Variants in DLGAP2 observed in about 807,000 individuals in gnomAD.
The protein encoded by DLGAP2 is disks large-associated protein 2.
In DLGAP2, 26 loss-of-function variants were observed where a neutral mutation model predicts 100.3. That is an observed-to-expected ratio of 0.26 (90% CI 0.19 to 0.36). The LOEUF is 0.36. Ranked by LOEUF, DLGAP2 falls within the 10% of genes least tolerant of loss-of-function variation. The pLI is 1.00. For synonymous variants in DLGAP2, 886 were observed against 630.1 expected (o/e 1.41, Z -6.08); for missense variants, 1,858 against 1,453.2 (o/e 1.28, Z -4.53).
At chr8:1,672,234 T>TTC (rs1329928377) in intron 10 of DLGAP2, among the ~76,000 whole-genome samples, 1 of 144,428 alleles carries the variant, frequency 6.9e-6, no homozygotes, top group African/African-American at 2.5e-5. Flanking sequence ...TTTAATTTTT[T>TTC]TTTTTTTTTT....
chr8:1,683,312 A>G (rs1799006500), intron 12 of DLGAP2, among the ~76,000 whole-genome samples: 1 of 151,352 alleles, frequency 6.6e-6, no homozygotes, highest in Non-Finnish European at 1.5e-5. Flanking sequence ...TGAAAAGGAG[A>G]TTCAAGAGTC....
chr8:967,262 G>A (rs1471305956), intron 2 of DLGAP2, among the ~76,000 whole-genome samples: 1 of 152,182 alleles, frequency 6.6e-6, no homozygotes, highest in Admixed American at 6.5e-5. Context: ...TTTTCCTAAA[G>A]TTTGTTCTAG....
chr8:1,208,556 G>A (rs1217630139), intron 2 of DLGAP2, among the ~76,000 whole-genome samples: 3 of 152,214 alleles, frequency 2.0e-5, no homozygotes, highest in Admixed American at 1.3e-4. Context: ...CATTTTTCCT[G>A]AGAACTGGAA....
At chr8:1,614,863 AC>A (rs750810193) in intron 6 of DLGAP2, among the ~76,000 whole-genome samples, 1 of 152,150 alleles carries the variant, frequency 6.6e-6, no homozygotes, top group Non-Finnish European at 1.5e-5. Flanking sequence ...GTGCACACGC[AC>A]ACACACACAC....
At chr8:1,126,736 G>T (rs1796174181) in intron 2 of DLGAP2, among the ~76,000 whole-genome samples, 1 of 152,138 alleles carries the variant, frequency 6.6e-6, no homozygotes, top group African/African-American at 2.4e-5. Flanking sequence ...AAGAACATTT[G>T]TTGTCTCTGG....
At chr8:1,289,848 G>A (rs1173204433) in intron 3 of DLGAP2, among the ~76,000 whole-genome samples, 1 of 152,130 alleles carries the variant, frequency 6.6e-6, no homozygotes, top group African/African-American at 2.4e-5. Flanking sequence ...AGCAGTGATG[G>A]GAATTTAGAG....
At chr8:1,391,637 C>G (rs1796358496) in intron 3 of DLGAP2, among the ~76,000 whole-genome samples, 2 of 152,156 alleles carry the variant, frequency 1.3e-5, no homozygotes. Context: ...GGGGACTGCT[C>G]TAGAAGAGGA....
chr8:1,472,766 G>C (rs1334552415), intron 3 of DLGAP2, among the ~76,000 whole-genome samples: 1 of 152,164 alleles, frequency 6.6e-6, no homozygotes, highest in Non-Finnish European at 1.5e-5. Flanking sequence ...GGGGTGACAA[G>C]GATGCACAGT....
Position 1,678,351 on chromosome 8 carries a change from C to T in DLGAP2, c.2426C>T (p.Pro809Leu), listed in dbSNP as rs1172239003. 6.2e-7 allele frequency: 1 copy of T among 1,614,018 alleles called. No homozygotes were observed. Residue 809 changes from proline to leucine, a missense_variant, in exon 12 of 15, where the codon CCC (proline) becomes CTC (leucine). Coordinates refer to ENST00000637795, the MANE Select transcript of DLGAP2 (RefSeq NM_001346810.2). ...TCATCCTTCCAGCGGCACTCCGAGC[C>T]CAGCACCCCCACCCAGTACAGCGCG... ...FGSSFQRHSE[P>L]STPTQYSAVR...
intron 4 of DLGAP2, among the ~76,000 whole-genome samples, chr8:1,503,482 C>T (rs1799795053): frequency 6.6e-6 from 1 of 152,140 alleles, no homozygotes; most frequent in South Asian, 2.1e-4. Flanking sequence ...AGCCACACTG[C>T]ACTTTGTGGA....
chr8:1,312,338 G>A (rs572963890), intron 3 of DLGAP2, among the ~76,000 whole-genome samples: 4 of 152,304 alleles, frequency 2.6e-5, no homozygotes, highest in South Asian at 4.1e-4. Flanking sequence ...TGAGTGATTG[G>A]ACTTCATTAA....
At chr8:1,001,431 T>C (rs576580380) in intron 2 of DLGAP2, among the ~76,000 whole-genome samples, 5 of 152,228 alleles carry the variant, frequency 3.3e-5, no homozygotes, top group Admixed American at 6.5e-5. Context: ...ATATTTATAA[T>C]CTCTCAAACT....
intron 2 of DLGAP2, among the ~76,000 whole-genome samples, chr8:1,200,340 C>T (rs756918134): frequency 1.3e-5 from 2 of 152,180 alleles, no homozygotes; most frequent in African/African-American, 4.8e-5. Flanking sequence ...CCCGTGGCCC[C>T]GGCTCCTAAT....
chr8:760,151 T>G (rs543237789), intron 1 of DLGAP2, among the ~76,000 whole-genome samples: 10 of 152,320 alleles, frequency 6.6e-5, no homozygotes, highest in Middle Eastern at 3.4e-3. Context: ...TTCTGTGGCT[T>G]CTTCTTCTCT....
chr8:1,062,744 G>C (rs541359278), intron 2 of DLGAP2, among the ~76,000 whole-genome samples: 1 of 152,282 alleles, frequency 6.6e-6, no homozygotes, highest in African/African-American at 2.4e-5. Flanking sequence ...GTTGGGGGGA[G>C]ACTAGTATGA....
rs766463964 is a variant in DLGAP2, at chr8:1,290,634, G to A, written c.106+31751G>A. On this transcript the variant is annotated intron_variant, in intron 3 of 14. Coordinates refer to ENST00000637795, the MANE Select transcript of DLGAP2 (RefSeq NM_001346810.2). ...AAAGACCAGAAAGGCAGAGGCCTCC[G>A]TGGCAGGACGGTGGCTGACCTTTAA... Among the ~76,000 whole-genome samples the A allele has an allele frequency of 1.4e-4, 21 of 152,348 alleles. 1 individual carries two copies. Among genetic ancestry groups the A allele is most frequent in the Middle Eastern group, 6.8e-3 (2 of 294 alleles).
intron 2 of DLGAP2, among the ~76,000 whole-genome samples, chr8:1,065,340 GA>G (rs1242323025): frequency 6.6e-6 from 1 of 152,140 alleles, no homozygotes; most frequent in Admixed American, 6.5e-5. Context: ...CTAGCATCAG[GA>G]AAAAAGTCAT....
chr8:954,460 A>G (rs569078823), intron 2 of DLGAP2, among the ~76,000 whole-genome samples: 4 of 152,242 alleles, frequency 2.6e-5, no homozygotes, highest in African/African-American at 9.6e-5. Flanking sequence ...TTGGAAACAC[A>G]TATAAATGTT....
chr8:1,026,680 A>G (rs1177301356), intron 2 of DLGAP2, among the ~76,000 whole-genome samples: 1 of 152,248 alleles, frequency 6.6e-6, no homozygotes, highest in Non-Finnish European at 1.5e-5. Context: ...GTCATTTTGA[A>G]TTGAAAATAT....
Sources: gnomAD v4.1 joint callset for allele counts (sites outside exome capture counted in the v4.1 genomes callset) on GRCh38, gnomAD v4.1.1 for gene constraint, MANE v1.5 for transcripts, NCBI Gene and HGNC (gene_info 2026-07-23, HGNC 2026-07-21) for gene names.